RAG1: variants seen among roughly 807,000 people sequenced by gnomAD.
RAG1 encodes the protein V(D)J recombination-activating protein 1.
RAG1 carries 35 observed loss-of-function variants against 62.7 expected under a neutral mutation model. The observed-to-expected ratio is 0.56, with a 90% CI of 0.43 to 0.74. The LOEUF (loss-of-function observed/expected upper bound fraction) is 0.74. Among genes scored for constraint, RAG1 ranks in the 30% least tolerant of loss-of-function variants. RAG1 has a pLI of 0.00. For missense variants in RAG1, 1,169 were observed against 1,278.6 expected (o/e 0.91, Z 1.31); for synonymous variants, 461 against 470.3 (o/e 0.98, Z 0.26).
chr11:36,524,573 C>T (rs1860131150), intron 2 of RAG1, among the ~76,000 whole-genome samples: 1 of 151,634 alleles, frequency 6.6e-6, no homozygotes, highest in African/African-American at 2.4e-5. Flanking sequence ...CTGCAGGCTC[C>T]ACCTTCCCTC....
In RAG1 at chr11:36,576,684, A is replaced by T; in HGVS notation, c.*248A>T. On this transcript the variant is annotated 3_prime_UTR_variant, in exon 2 of 2. Transcript: ENST00000299440. Reference sequence around the variant, plus strand: ...TTATCTGAAAGCTCAGTAACTCAGAACAGGAGTAACTGCAGGGGACCAGAG... The same window carrying T: ...TTATCTGAAAGCTCAGTAACTCAGATCAGGAGTAACTGCAGGGGACCAGAG... 1.9e-6 allele frequency: 1 copy of T among 531,678 alleles called. No individual in the cohort carries two copies. The highest frequency in any genetic ancestry group is 3.5e-6 in the Non-Finnish European group (1 of 285,840). 32.9% of individuals were successfully genotyped at this position (531,678 alleles called of 1,614,324 possible). A position where few individuals can be genotyped will look rare whatever the true frequency, so the allele number is the denominator to read the frequency against.
At chr11:36,515,870 C>T (rs981364809) in intron 1 of RAG1, among the ~76,000 whole-genome samples, 1 of 152,160 alleles carries the variant, frequency 6.6e-6, no homozygotes, top group Admixed American at 6.5e-5. Flanking sequence ...TCCAAGACAA[C>T]GAGTTTTCCT....
At chr11:36,547,046 C>T (rs1590682884) in intron 3 of RAG1, among the ~76,000 whole-genome samples, 1 of 151,900 alleles carries the variant, frequency 6.6e-6, no homozygotes, top group South Asian at 2.1e-4. Context: ...TGGGGTCGCT[C>T]TTCTCAAGGG....
At chr11:36,520,274 A>G (rs1006763155) in intron 2 of RAG1, 1 of 151,872 alleles carries the variant, frequency 6.6e-6, no homozygotes, top group African/African-American at 2.4e-5. Context: ...TTTATTTTTT[A>G]ATTTTTTTTT....
chr11:36,528,086 A>G (rs1246149311), intron 2 of RAG1, among the ~76,000 whole-genome samples: 1 of 152,128 alleles, frequency 6.6e-6, no homozygotes, highest in Non-Finnish European at 1.5e-5. Flanking sequence ...AGACAGATCA[A>G]TGAGACAAAA....
chr11:36,576,337 A>G lies in RAG1; in HGVS notation c.3033A>G (p.Ala1011=), dbSNP rs778396445. 1 of 1,614,170 alleles carries G rather than the reference A, an allele frequency of 6.2e-7. No homozygotes were observed. The highest frequency in any genetic ancestry group is 1.1e-5 in the South Asian group (1 of 91,088). ...AGAAGTTTATGAATGCTCATAATGC[A>G]TTAAAAACCTCTGGGTTTACCATGA... is the stretch of plus-strand genomic sequence containing the variant. ...YLQKFMNAHN[A]LKTSGFTMNP... The change falls in exon 2 of 2, where the codon GCA becomes GCG. Residue 1011 remains alanine (A), a synonymous_variant. Coordinates refer to ENST00000299440, the MANE Select transcript of RAG1 (RefSeq NM_000448.3).
At position 36,574,804 on chromosome 11, in the gene RAG1, T is replaced by C. The variant is rs1413614907; in HGVS notation, c.1500T>C (p.Phe500=). ...TVKAITGRQI[F]QPLHALRNAE... ...AAGCCATCACAGGGAGACAGATTTT[T>C]CAGCCTTTGCATGCCCTTCGGAATG... is the stretch of plus-strand genomic sequence containing the variant. Residue 500 remains phenylalanine (F), a synonymous_variant, in exon 2 of 2, where the codon TTT becomes TTC. Coordinates refer to ENST00000299440, the MANE Select transcript of RAG1 (RefSeq NM_000448.3). 1 of 1,614,236 alleles carries C rather than the reference T, an allele frequency of 6.2e-7. No homozygotes were observed.
At chr11:36,572,601 T>C (rs1850766003) in intron 1 of RAG1, among the ~76,000 whole-genome samples, 1 of 152,228 alleles carries the variant, frequency 6.6e-6, no homozygotes, top group South Asian at 2.1e-4. Context: ...GAGTTCCGTG[T>C]TTTTTGTTTC....
At chr11:36,510,405 C>T (rs933145125), upstream of RAG1, 1 of 152,586 alleles carries the variant, frequency 6.6e-6, no homozygotes, top group African/African-American at 2.4e-5. Context: ...AGCCCCGCAG[C>T]CTGGCTTTCT....
chr11:36,573,701 G>A lies in RAG1; in HGVS notation c.397G>A (p.Val133Met), dbSNP rs763423470. 24 of 1,614,002 alleles carry A rather than the reference G, an allele frequency of 1.5e-5. No individual in the cohort carries two copies. Among genetic ancestry groups the A allele is most frequent in the South Asian group, 8.8e-5 (8 of 91,090 alleles). Residue 133 changes from valine (V) to methionine (M), a missense_variant, in exon 2 of 2, where the codon GTG (valine) becomes ATG (methionine). By Grantham distance (21) the Val-to-Met change is conservative. Around this residue, in one of 2 missense-constraint regions of RAG1, gnomAD observed 369 missense variants for 335.3 expected, o/e 1.10. Coordinates refer to ENST00000299440, the MANE Select transcript of RAG1 (RefSeq NM_000448.3). ...HNRRYPVHGPVDGKTLGLLRK... is the reference protein window; with the variant it reads ...HNRRYPVHGPMDGKTLGLLRK... ...CAGGAGATATCCAGTCCATGGTCCT[G>A]TGGATGGTAAAACCCTAGGCCTTTT...
intron 3 of RAG1, among the ~76,000 whole-genome samples, chr11:36,541,271 T>A (rs1388420786): frequency 6.6e-6 from 1 of 152,240 alleles, no homozygotes; most frequent in Admixed American, 6.5e-5. Flanking sequence ...CAGTGACAGA[T>A]GTGAAATGAC....
chr11:36,557,726 G>A (rs1312903680), intron 3 of RAG1, among the ~76,000 whole-genome samples: 3 of 152,204 alleles, frequency 2.0e-5, no homozygotes, highest in Non-Finnish European at 2.9e-5. Flanking sequence ...ACAGGAAGGG[G>A]ATACAATTCA....
chr11:36,544,145 G>A (rs1457237305), intron 3 of RAG1, among the ~76,000 whole-genome samples: 1 of 152,096 alleles, frequency 6.6e-6, no homozygotes, highest in African/African-American at 2.4e-5. Context: ...GAGATATCAG[G>A]GCTTAATCCC....
intron 1 of RAG1, among the ~76,000 whole-genome samples, chr11:36,516,327 T>G (rs1383250998): frequency 6.6e-6 from 1 of 152,234 alleles, no homozygotes; most frequent in African/African-American, 2.4e-5. Context: ...TTTGTTGGTT[T>G]GTTTGTTTTT....
rs768809293 is a variant in RAG1, at chr11:36,575,595, G to A, written c.2291G>A (p.Arg764His). Reference protein sequence around the residue: ...AENLERYEVWRSNPYHESVEE... With the variant: ...AENLERYEVWHSNPYHESVEE... ...AACCTGGAACGTTATGAGGTCTGGCGTTCCAACCCTTACCATGAGTCTGTG... is the reference window on the plus strand; with the variant it reads ...AACCTGGAACGTTATGAGGTCTGGCATTCCAACCCTTACCATGAGTCTGTG... Residue 764 changes from arginine (R) to histidine (H), a missense_variant, in exon 2 of 2, where the codon CGT (arginine) becomes CAT (histidine). Arg to His is a conservative substitution (Grantham distance 29). Around this residue, in one of 2 missense-constraint regions of RAG1, gnomAD observed 800 missense variants for 943.3 expected, o/e 0.85. Coordinates refer to ENST00000299440, the MANE Select transcript of RAG1 (RefSeq NM_000448.3). The surrounding 1 kb of genome is among the most constrained non-coding windows in gnomAD (Gnocchi z 4.1). 26 of 1,614,070 alleles carry A rather than the reference G, an allele frequency of 1.6e-5. No individual in the cohort carries two copies. The highest frequency in any genetic ancestry group is 2.2e-5 in the South Asian group (2 of 91,084).
chr11:36,546,875 A>G (rs1443542049), intron 3 of RAG1, among the ~76,000 whole-genome samples: 2 of 152,132 alleles, frequency 1.3e-5, no homozygotes, highest in African/African-American at 2.4e-5. Context: ...TTCTTTAAGA[A>G]TGAAGAAAAG....
rs1247049911 is a variant in RAG1 at position 36,578,451 on chromosome 11, C to T, written c.*2015C>T. ...CCTGCTTAATCCTTCCAGCATGTCT[C>T]TGCACTAATAAACAGCTAAATTCAC... On this transcript the variant is annotated 3_prime_UTR_variant, in exon 2 of 2. Transcript: ENST00000299440. The T allele has an allele frequency of 6.0e-6, 1 of 166,506 alleles. No homozygotes were observed. Among genetic ancestry groups the T allele is most frequent in the Non-Finnish European group, 1.5e-5 (1 of 68,118 alleles). 10.3% of individuals were successfully genotyped at this position (166,506 alleles called of 1,614,324 possible).
intron 2 of RAG1, among the ~76,000 whole-genome samples, chr11:36,534,219 A>G (rs1411225041): frequency 6.6e-6 from 1 of 152,210 alleles, no homozygotes; most frequent in African/African-American, 2.4e-5. Flanking sequence ...ATTTTTCTAC[A>G]TTAATAAAAT....
intron 1 of RAG1, among the ~76,000 whole-genome samples, chr11:36,516,019 T>C (rs1466337712): frequency 6.6e-6 from 1 of 152,150 alleles, no homozygotes; most frequent in Admixed American, 6.6e-5. Flanking sequence ...AATGAGTCTA[T>C]TTTTTTCTTA....
Sources: gnomAD v4.1 joint callset for allele counts (sites outside exome capture counted in the v4.1 genomes callset) on GRCh38, gnomAD v4.1.1 for gene constraint, gnomAD v4.1.1 regional missense constraint, Gnocchi (gnomAD v3.1) non-coding constraint, MANE v1.5 for transcripts, NCBI Gene and HGNC (gene_info 2026-07-23, HGNC 2026-07-21) for gene names.